The following CYRIA variants were observed in gnomAD, a reference collection of about 807,000 sequenced individuals.
CYRIA encodes the protein CYFIP-related Rac1 interactor A.
Under a neutral mutation model 43.9 loss-of-function variants are expected in CYRIA, and 15 were observed. The ratio of observed to expected loss-of-function variants is 0.34; its 90% CI spans 0.23 to 0.53. The LOEUF (loss-of-function observed/expected upper bound fraction) is 0.53. Ranked by LOEUF, CYRIA falls within the 20% of genes least tolerant of loss-of-function variation. The pLI is 0.94. For synonymous variants in CYRIA, 117 were observed against 136.0 expected, an observed-to-expected ratio of 0.86 and a Z score of 0.97; for missense variants, 236 against 394.2, an observed-to-expected ratio of 0.60 and a Z score of 3.40.
intron 11 of CYRIA, among the ~76,000 whole-genome samples, chr2:16,553,200 A>C (rs1007315770): frequency 3.9e-5 from 6 of 152,184 alleles, no homozygotes; most frequent in East Asian, 3.9e-4. Flanking sequence ...TATTAAACCA[A>C]GTAGATATTT....
chr2:16,604,061 C>T (rs1010317497), intron 2 of CYRIA, among the ~76,000 whole-genome samples: 4 of 152,206 alleles, frequency 2.6e-5, no homozygotes, highest in Non-Finnish European at 5.9e-5. Flanking sequence ...GTGACCTGGC[C>T]TCTCACGTCG....
intron 2 of CYRIA, among the ~76,000 whole-genome samples, chr2:16,617,505 G>C (rs1177777259): frequency 2.0e-5 from 3 of 152,256 alleles, no homozygotes; most frequent in Non-Finnish European, 4.4e-5. Context: ...AAGAAGGAGA[G>C]AGAACTGAAA....
At chr2:16,601,132 T>G (rs546123378) in intron 2 of CYRIA, among the ~76,000 whole-genome samples, 1 of 152,286 alleles carries the variant, frequency 6.6e-6, no homozygotes, top group East Asian at 1.9e-4. Flanking sequence ...GGCTCTACAC[T>G]AGTGCTACTC....
chr2:16,638,381 G>A (rs945654887), intron 1 of CYRIA, among the ~76,000 whole-genome samples: 13 of 152,312 alleles, frequency 8.5e-5, no homozygotes, highest in East Asian at 5.8e-4. Context: ...GGTGGGCACC[G>A]GACTCCACCT....
chr2:16,558,355 C>T (rs1666604607), intron 10 of CYRIA, among the ~76,000 whole-genome samples: 1 of 152,106 alleles, frequency 6.6e-6, no homozygotes. Flanking sequence ...TTTATTGATA[C>T]ATTATCTTGC....
intron 1 of CYRIA, among the ~76,000 whole-genome samples, chr2:16,646,459 C>T (rs1027559388): frequency 3.3e-5 from 5 of 152,182 alleles, no homozygotes; most frequent in African/African-American, 4.8e-5. Flanking sequence ...TCTCAGGAAT[C>T]TAGAGAAGCT....
intron 2 of CYRIA, among the ~76,000 whole-genome samples, chr2:16,609,154 G>T (rs1668507975): frequency 6.6e-6 from 1 of 152,212 alleles, no homozygotes; most frequent in South Asian, 2.1e-4. Flanking sequence ...CACAGAGGCG[G>T]CTGCAGACAT....
At chr2:16,606,689 T>A (rs572564338) in intron 2 of CYRIA, among the ~76,000 whole-genome samples, 27 of 152,228 alleles carry the variant, frequency 1.8e-4, no homozygotes, top group African/African-American at 6.5e-4. Flanking sequence ...ATACAACCTA[T>A]CAGGTCAAGG....
chr2:16,663,411 G>A (rs1019705474), intron 1 of CYRIA, among the ~76,000 whole-genome samples: 10 of 152,172 alleles, frequency 6.6e-5, no homozygotes, highest in Admixed American at 2.0e-4. Flanking sequence ...CAAACCTAGA[G>A]CATGGCAATG....
In CYRIA at chr2:16,663,838, T is replaced by C. The variant is rs978558533; in HGVS notation, c.-167+1942A>G. Among the ~76,000 whole-genome samples, 5 of 151,874 alleles carry C rather than the reference T, an allele frequency of 3.3e-5. No individual in the cohort carries two copies. In the East Asian group the frequency reaches 5.8e-4, roughly 18 times the overall value. On this transcript the variant is annotated intron_variant, in intron 1 of 11. Transcript: ENST00000381323. ...ACACCTTCTAAAGAGCCTCCTATAG[T>C]GTGGGTTTAGGCAGCTGGACTAAGG... is the stretch of plus-strand genomic sequence containing the variant.
Position 16,549,866 on chromosome 2 carries a change from T to A in CYRIA, c.*3070A>T, listed in dbSNP as rs1177387586. 4.6e-5 allele frequency: 7 copies of A among 152,116 alleles called. No individual in the cohort carries two copies. The highest frequency in any genetic ancestry group is 4.6e-4 in the Admixed American group (7 of 15,264). The allele number at this position is 152,116 out of a possible 1,614,324, so 9.4% of individuals were successfully genotyped here. A position where few individuals can be genotyped will look rare whatever the true frequency, so the allele number is the denominator to read the frequency against. Reference sequence around the variant, plus strand: ...TACCATTAAGGTCTTAATTTAATGGTGATAACTAGGAGCAAATGTTGATCA... The same window carrying A: ...TACCATTAAGGTCTTAATTTAATGGAGATAACTAGGAGCAAATGTTGATCA... On this transcript the variant is annotated 3_prime_UTR_variant, in exon 12 of 12. Transcript: ENST00000381323.
chr2:16,589,172 A>G (rs1040292573), intron 2 of CYRIA, among the ~76,000 whole-genome samples: 2 of 152,132 alleles, frequency 1.3e-5, no homozygotes, highest in African/African-American at 4.8e-5. Context: ...CTTGTGCCTC[A>G]GATATTTCAG....
Position 16,565,661 on chromosome 2 carries a change from G to C in CYRIA, c.177C>G (p.Gly59=), listed in dbSNP as rs905539766. The C allele has an allele frequency of 6.3e-7, 1 of 1,580,748 alleles. No homozygotes were observed. Among genetic ancestry groups the C allele is most frequent in the Non-Finnish European group, 8.7e-7 (1 of 1,154,972 alleles). Residue 59 remains glycine (G), a synonymous_variant, in exon 4 of 12, where the codon GGC becomes GGG. Coordinates refer to ENST00000381323, the MANE Select transcript of CYRIA (RefSeq NM_030797.4). The part of the protein sequence containing the change: ...LADLQAYKGA[G]PEIRDAIQNP... ...ATTGACATACATCTCGGATCTCTGG[G>C]CCTGCGCCTTTGTAAGCCTGCAGGT...
At chr2:16,621,169 C>A (rs556451538) in intron 2 of CYRIA, among the ~76,000 whole-genome samples, 5 of 152,186 alleles carry the variant, frequency 3.3e-5, no homozygotes, top group African/African-American at 1.2e-4. Context: ...CATATATCTG[C>A]TGAATGAATG....
intron 2 of CYRIA, among the ~76,000 whole-genome samples, chr2:16,616,797 TG>T (rs1384662656): frequency 6.6e-6 from 1 of 152,244 alleles, no homozygotes; most frequent in East Asian, 1.9e-4. Context: ...AATGCTTGCC[TG>T]TATTAACTCA....
intron 10 of CYRIA, among the ~76,000 whole-genome samples, chr2:16,558,637 C>T (rs920317730): frequency 9.2e-5 from 14 of 152,188 alleles, no homozygotes; most frequent in Non-Finnish European, 2.1e-4. Context: ...AGCAACTGTG[C>T]ACCAAAATCA....
intron 2 of CYRIA, among the ~76,000 whole-genome samples, chr2:16,612,311 G>A (rs536811208): frequency 6.6e-6 from 1 of 151,970 alleles, no homozygotes; most frequent in Non-Finnish European, 1.5e-5. Context: ...TGGATGGGAG[G>A]GGGGAAAAGG....
chr2:16,646,024 A>G (rs974449804), intron 1 of CYRIA, among the ~76,000 whole-genome samples: 1 of 152,230 alleles, frequency 6.6e-6, no homozygotes, highest in Non-Finnish European at 1.5e-5. Flanking sequence ...GAGGCAGAAA[A>G]GGATCAGACA....
intron 2 of CYRIA, among the ~76,000 whole-genome samples, chr2:16,608,557 A>G (rs1050145424): frequency 6.6e-6 from 1 of 152,242 alleles, no homozygotes; most frequent in Non-Finnish European, 1.5e-5. Context: ...CATTTCATGG[A>G]AACAGCATGA....
Sources: gnomAD v4.1 joint callset for allele counts (sites outside exome capture counted in the v4.1 genomes callset) on GRCh38, gnomAD v4.1.1 for gene constraint, MANE v1.5 for transcripts, NCBI Gene and HGNC (gene_info 2026-07-23, HGNC 2026-07-21) for gene names.